Variants in NAV3 observed in about 807,000 individuals in gnomAD.
The protein encoded by NAV3 is neuron navigator 3.
NAV3 carries 87 observed loss-of-function variants against 244.7 expected under a neutral mutation model. That is an observed-to-expected ratio of 0.36 (90% confidence interval 0.30 to 0.42). The LOEUF is 0.42. Ranked by LOEUF, NAV3 falls within the 20% of genes least tolerant of loss-of-function variation. The pLI is 1.00. For synonymous variants in NAV3, 1,126 were observed against 1,042.2 expected, an observed-to-expected ratio of 1.08 and a Z score of -1.55; for missense variants, 2,663 against 2,893.3, an observed-to-expected ratio of 0.92 and a Z score of 1.83.
chr12:78,163,793 T>C (rs1957666109), intron 23 of NAV3, among the ~76,000 whole-genome samples: 1 of 152,070 alleles, frequency 6.6e-6, no homozygotes, highest in African/African-American at 2.4e-5. Context: ...TAGACTATGA[T>C]ATTGGCGTAG....
intron 2 of NAV3, among the ~76,000 whole-genome samples, chr12:77,738,393 A>G (rs1868263987): frequency 6.6e-6 from 1 of 152,202 alleles, no homozygotes; most frequent in Non-Finnish European, 1.5e-5. Flanking sequence ...ACTAGATGTA[A>G]AGCACACAGA....
chr12:77,930,327 C>T (rs1353854510), intron 1 of NAV3, among the ~76,000 whole-genome samples: 7 of 152,032 alleles, frequency 4.6e-5, no homozygotes, highest in Non-Finnish European at 8.8e-5. Context: ...TAATACTAGC[C>T]TAGGATTAAA....
intron 6 of NAV3, among the ~76,000 whole-genome samples, chr12:77,997,776 T>C (rs1443427284): frequency 1.3e-5 from 2 of 152,246 alleles, no homozygotes; most frequent in Non-Finnish European, 2.9e-5. Context: ...ATTTAACTCA[T>C]GACCTGGGTC....
intron 1 of NAV3, among the ~76,000 whole-genome samples, chr12:77,903,070 C>A (rs1268903001): frequency 1.1e-4 from 16 of 151,946 alleles, no homozygotes; most frequent in African/African-American, 3.4e-4. Context: ...CATACTGCCC[C>A]AGGTAATTTA....
At chr12:77,620,186 G>C (rs554862736) in intron 2 of NAV3, among the ~76,000 whole-genome samples, 3 of 152,228 alleles carry the variant, frequency 2.0e-5, no homozygotes, top group African/African-American at 4.8e-5. Context: ...TGATTAACTA[G>C]CTGTGAAACC....
intron 12 of NAV3, among the ~76,000 whole-genome samples, chr12:78,081,661 TGAGGTGTTA>T (rs1415105111): frequency 6.6e-6 from 1 of 152,182 alleles, no homozygotes; most frequent in Non-Finnish European, 1.5e-5. Context: ...GAGGCTCATC[TGAGGTGTTA>T]TGCTGTTCTT....
At chr12:77,579,003 CTCT>C (rs551782020) in intron 2 of NAV3, among the ~76,000 whole-genome samples, 24 of 152,182 alleles carry the variant, frequency 1.6e-4, no homozygotes, top group Admixed American at 6.5e-4. Flanking sequence ...ATTCATTCCC[CTCT>C]TCTTCTTAGA....
chr12:77,953,733 C>A (rs1013489781), intron 3 of NAV3, among the ~76,000 whole-genome samples: 1 of 152,108 alleles, frequency 6.6e-6, no homozygotes, highest in African/African-American at 2.4e-5. Context: ...CTCTCTGCCC[C>A]CAGCACTAAG....
intron 23 of NAV3, among the ~76,000 whole-genome samples, chr12:78,160,591 A>G (rs1957501741): frequency 6.6e-6 from 1 of 152,170 alleles, no homozygotes; most frequent in Non-Finnish European, 1.5e-5. Flanking sequence ...TTATGTGATT[A>G]GCTTTACAAA....
At chr12:77,596,949 A>G (rs1324426127) in intron 2 of NAV3, among the ~76,000 whole-genome samples, 2 of 152,084 alleles carry the variant, frequency 1.3e-5, no homozygotes, top group African/African-American at 2.4e-5. Flanking sequence ...GAAAACATGA[A>G]AAGTCTTATA....
intron 2 of NAV3, among the ~76,000 whole-genome samples, chr12:77,594,369 C>T (rs1359863454): frequency 6.6e-6 from 1 of 151,930 alleles, no homozygotes; most frequent in Non-Finnish European, 1.5e-5. Context: ...TAAATGTGCC[C>T]AATTATTTCA....
rs904174776 is a variant in NAV3, at chr12:78,154,148, GTA to G, written c.4786-5042_4786-5041del. On this transcript the variant is annotated intron_variant, in intron 22 of 39. Coordinates refer to ENST00000397909, the MANE Select transcript of NAV3 (RefSeq NM_001024383.2). ...CATATATGTGTGTGTGTGTATATAT[GTA>G]TATATATATATACCTTCATAACATA... Among the ~76,000 whole-genome samples, 520 of 134,598 alleles carry G rather than the reference GTA, an allele frequency of 3.9e-3. 3 individuals carry two copies. The highest frequency in any genetic ancestry group is 0.013 in the African/African-American group (469 of 37,282). The allele number at this position is 134,598 out of a possible 152,430, so 88.3% of individuals were successfully genotyped here.
intron 5 of NAV3, among the ~76,000 whole-genome samples, chr12:77,975,332 A>G (rs1433615959): frequency 6.6e-6 from 1 of 152,232 alleles, no homozygotes; most frequent in African/African-American, 2.4e-5. Flanking sequence ...GGAGATATGC[A>G]GAAGACAAAA....
intron 5 of NAV3, among the ~76,000 whole-genome samples, chr12:77,982,969 G>A (rs1869835142): frequency 6.6e-6 from 1 of 152,122 alleles, no homozygotes; most frequent in Non-Finnish European, 1.5e-5. Flanking sequence ...TCTAAGAGAT[G>A]GGTGGATAGC....
intron 22 of NAV3, 107 bp downstream of exon 22, chr12:78,149,026 A>G: frequency 1.1e-6 from 1 of 885,416 alleles, no homozygotes; most frequent in Non-Finnish European, 1.8e-6. Flanking sequence ...ACAGACTTAG[A>G]TTACCAACTA....
intron 2 of NAV3, among the ~76,000 whole-genome samples, chr12:77,659,065 G>A (rs554487273): frequency 3.3e-4 from 50 of 151,508 alleles, no homozygotes; most frequent in African/African-American, 7.5e-4. Context: ...ACTTCATGTC[G>A]AAAACACCAA....
intron 24 of NAV3, among the ~76,000 whole-genome samples, chr12:78,169,698 G>A (rs947974746): frequency 3.3e-5 from 5 of 151,716 alleles, no homozygotes; most frequent in Non-Finnish European, 7.4e-5. Context: ...TTAGACCACT[G>A]GAGTGTAGCT....
chr12:78,147,536 T>A (rs1432381167), intron 21 of NAV3, among the ~76,000 whole-genome samples: 1 of 152,050 alleles, frequency 6.6e-6, no homozygotes, highest in Non-Finnish European at 1.5e-5. Context: ...GACGCTGTAT[T>A]TTCTGAAATC....
At chr12:78,202,348 A>G (rs1959799534) in intron 38 of NAV3, among the ~76,000 whole-genome samples, 1 of 152,078 alleles carries the variant, frequency 6.6e-6, no homozygotes. Context: ...AGTATTTATA[A>G]ATAAAATTCT....
Sources: gnomAD v4.1 joint callset for allele counts (sites outside exome capture counted in the v4.1 genomes callset) on GRCh38, gnomAD v4.1.1 for gene constraint, MANE v1.5 for transcripts, NCBI Gene and HGNC (gene_info 2026-07-23, HGNC 2026-07-21) for gene names.